ZNF682: variants seen among roughly 807,000 people sequenced by gnomAD.
ZNF682 encodes zinc finger protein 682.
In ZNF682, 29 loss-of-function variants were observed where a neutral mutation model predicts 36.5. That is an observed-to-expected ratio of 0.80 (90% CI 0.59 to 1.08). ZNF682 has a LOEUF of 1.08. Among genes scored for constraint, ZNF682 ranks in the 50% least tolerant of loss-of-function variants. The probability of loss-of-function intolerance (pLI) is 0.00; values close to 1 mark genes in which losing one functional copy is unlikely to be tolerated. For missense variants in ZNF682, 561 were observed against 579.7 expected, an observed-to-expected ratio of 0.97 and a Z score of 0.33; for synonymous variants, 180 against 197.0, an observed-to-expected ratio of 0.91 and a Z score of 0.72.
At chr19:20,025,546 ACGTGCCTGTAATCCCAG>A (rs1385075738) in intron 1 of ZNF682, among the ~76,000 whole-genome samples, 1 of 152,050 alleles carries the variant, frequency 6.6e-6, no homozygotes, top group Non-Finnish European at 1.5e-5. Flanking sequence ...GCATGGTGGC[ACGTGCCTGTAATCCCAG>A]CTACTCGGGA....
In ZNF682 at chr19:20,022,611, C is replaced by T. The variant is rs773090524; in HGVS notation, c.226+393G>A. Among the ~76,000 whole-genome samples the T allele has an allele frequency of 2.6e-5, 4 of 151,720 alleles. No homozygotes were observed. In the East Asian group the frequency reaches 7.8e-4, roughly 29 times the overall value. ...CCAGGAGGCAGAGGTTATGGTGAGC[C>T]AAGATTGAGCCATTGCACTCCAGCC... On this transcript the variant is annotated intron_variant, in intron 3 of 3. Transcript: ENST00000397165.
At chr19:20,015,782 A>C in intron 3 of ZNF682, 1 of 398,082 alleles carries the variant, frequency 2.5e-6, no homozygotes. Flanking sequence ...ACATAATACT[A>C]GGGAAACTTA....
chr19:20,019,414 G>A (rs968044685), intron 3 of ZNF682, among the ~76,000 whole-genome samples: 7 of 152,020 alleles, frequency 4.6e-5, no homozygotes, highest in Non-Finnish European at 1.0e-4. Flanking sequence ...TACTGTTCTT[G>A]GCAGTTATTT....
At chr19:20,026,623 C>A (rs1483832495) in intron 1 of ZNF682, among the ~76,000 whole-genome samples, 3 of 152,064 alleles carry the variant, frequency 2.0e-5, no homozygotes, top group African/African-American at 7.2e-5. Flanking sequence ...TGCCACCACA[C>A]CTGGCTAATT....
chr19:19,996,020 G>A (rs779152330), downstream of ZNF682, among the ~76,000 whole-genome samples: 5 of 152,214 alleles, frequency 3.3e-5, no homozygotes, highest in Non-Finnish European at 7.3e-5. Flanking sequence ...GTGGCTGAAG[G>A]TGGGGTGTCT....
At position 20,033,221 on chromosome 19, in the gene ZNF682, C is replaced by T. The variant is rs564323062; in HGVS notation, c.3+6122G>A. On this transcript the variant is annotated intron_variant, in intron 1 of 3. Transcript: ENST00000397165. ...CTGGGAGGTGGAGGTTGCGGTGAGCCGAGATCACACCACTGCACTCCAGCC... is the reference window on the plus strand; with the variant it reads ...CTGGGAGGTGGAGGTTGCGGTGAGCTGAGATCACACCACTGCACTCCAGCC... Among the ~76,000 whole-genome samples, 356 of 151,604 alleles carry T rather than the reference C, an allele frequency of 2.3e-3. 1 individual carries two copies. Among genetic ancestry groups the T allele is most frequent in the Non-Finnish European group, 4.4e-3 (297 of 67,856 alleles).
In ZNF682 at chr19:20,006,091, GTTCA is replaced by G. The variant is rs1267988591; in HGVS notation, c.1407_1410del (p.Glu470IlefsTer33). ...TTCTCTCCTCTTTGAACTCTCTTAT[GTTCA>G]TTAAGATGTGAGCACCGTTTAAAAG... On this transcript the variant is annotated frameshift_variant, in exon 4 of 4. Transcript: ENST00000397165. LOFTEE classifies it high-confidence loss of function. The G allele has an allele frequency of 3.1e-6, 5 of 1,613,964 alleles. No individual in the cohort carries two copies. The highest frequency in any genetic ancestry group is 2.2e-5 in the East Asian group (1 of 44,868).
chr19:20,023,799 T>C (rs975507022), intron 2 of ZNF682, among the ~76,000 whole-genome samples: 6 of 151,944 alleles, frequency 3.9e-5, no homozygotes, highest in East Asian at 1.9e-4. Context: ...CTGGCCAACA[T>C]AGTGAAACCT....
In ZNF682 at chr19:20,006,044, ACAT is replaced by A; in HGVS notation, c.1455_1457del (p.Lys485_Cys486delinsAsn). 6.2e-7 allele frequency: 1 copy of A among 1,606,510 alleles called. No individual in the cohort carries two copies. Among genetic ancestry groups the A allele is most frequent in the Non-Finnish European group, 8.5e-7 (1 of 1,175,328 alleles). On this transcript the variant is annotated inframe_deletion, in exon 4 of 4. Coordinates refer to ENST00000397165, the MANE Select transcript of ZNF682 (RefSeq NM_033196.3). The stretch of plus-strand genomic sequence containing the variant: ...TTGAGCAGTGATTAAAAGCTTCCCC[ACAT>A]TTTTTATACTTGCAGGATTTCTCTC...
intron 1 of ZNF682, among the ~76,000 whole-genome samples, chr19:20,032,978 CTG>C (rs2088492572): frequency 6.6e-6 from 1 of 152,140 alleles, no homozygotes; most frequent in Non-Finnish European, 1.5e-5. Flanking sequence ...TCTGTAGAAA[CTG>C]TGGTGCCAGG....
chr19:20,016,554 G>A (rs1330294553), intron 3 of ZNF682, among the ~76,000 whole-genome samples: 2 of 151,756 alleles, frequency 1.3e-5, no homozygotes, highest in Non-Finnish European at 2.9e-5. Context: ...CAATAACTAA[G>A]TTAAAAAAAT....
intron 1 of ZNF682, among the ~76,000 whole-genome samples, chr19:20,032,146 TAA>T (rs2088484943): frequency 6.6e-6 from 1 of 152,260 alleles, no homozygotes; most frequent in South Asian, 2.1e-4. Context: ...ATCCCTCAGA[TAA>T]AAGTTCTTTT....
At chr19:20,002,523 T>C (rs1404395058), downstream of ZNF682, among the ~76,000 whole-genome samples, 1 of 152,236 alleles carries the variant, frequency 6.6e-6, no homozygotes, top group Non-Finnish European at 1.5e-5. Context: ...CTTTTGTAGC[T>C]GCTTGGCATA....
At chr19:20,009,954 A>G (rs1260497408) in intron 3 of ZNF682, among the ~76,000 whole-genome samples, 4 of 152,136 alleles carry the variant, frequency 2.6e-5, no homozygotes, top group East Asian at 1.9e-4. Context: ...CTGGAGGCAG[A>G]GGTTGCAGTG....
At chr19:20,002,218 G>T (rs1716990391), downstream of ZNF682, among the ~76,000 whole-genome samples, 1 of 151,728 alleles carries the variant, frequency 6.6e-6, no homozygotes, top group Non-Finnish European at 1.5e-5. Context: ...GAGTAGCTGG[G>T]ACTACAGGCG....
chr19:20,010,289 A>T (rs1555786347), intron 3 of ZNF682, among the ~76,000 whole-genome samples: 1 of 152,214 alleles, frequency 6.6e-6, no homozygotes, highest in Non-Finnish European at 1.5e-5. Context: ...TCAAGACTAC[A>T]GAGTGCATGA....
At position 20,004,817 on chromosome 19, in the gene ZNF682, C is replaced by T. The variant is rs1037372834; in HGVS notation, c.*1188G>A. 2.4e-5 allele frequency: 3 copies of T among 125,236 alleles called. No individual in the cohort carries two copies. Among genetic ancestry groups the T allele is most frequent in the Admixed American group, 8.6e-5 (1 of 11,580 alleles). The allele number at this position is 125,236 out of a possible 1,614,324, so 7.8% of individuals were successfully genotyped here. On this transcript the variant is annotated 3_prime_UTR_variant, in exon 4 of 4. Coordinates refer to ENST00000397165, the MANE Select transcript of ZNF682 (RefSeq NM_033196.3). ...CATCAAAATTTGCCTTTGTAAAAAT[C>T]TAAAATTCTTTCAATGCAAAAAGTG...
At chr19:20,015,663 AC>A in intron 3 of ZNF682, 1 of 386,834 alleles carries the variant, frequency 2.6e-6, no homozygotes, top group South Asian at 1.4e-4. Flanking sequence ...TAAAAAGCAT[AC>A]ATTTTTGAAT....
intron 3 of ZNF682, among the ~76,000 whole-genome samples, chr19:19,997,416 T>C (rs2088134551): frequency 2.6e-5 from 4 of 152,230 alleles, no homozygotes; most frequent in Admixed American, 1.3e-4. Flanking sequence ...TGTTCTTCAT[T>C]GGTGAACCAA....
Sources: allele counts gnomAD v4.1 joint callset (sites outside exome capture counted in the v4.1 genomes callset), GRCh38; gene constraint gnomAD v4.1.1; transcripts MANE v1.5; gene names NCBI Gene and HGNC (gene_info 2026-07-23, HGNC 2026-07-21).